Variants in NOC3L observed in about 807,000 individuals in gnomAD.
NOC3L encodes nucleolar complex protein 3 homolog.
NOC3L carries 85 observed loss-of-function variants against 102.5 expected under a neutral mutation model. The ratio of observed to expected loss-of-function variants is 0.83; its 90% confidence interval spans 0.70 to 0.99. The LOEUF is 0.99. Ranked by LOEUF, NOC3L falls within the 50% of genes least tolerant of loss-of-function variation. The pLI, the probability that NOC3L is intolerant of heterozygous loss-of-function variation, is 0.00. For synonymous variants in NOC3L, 303 were observed against 309.4 expected, an observed-to-expected ratio of 0.98 and a Z score of 0.22; for missense variants, 878 against 914.9, an observed-to-expected ratio of 0.96 and a Z score of 0.52.
At chr10:94,357,866 A>G in intron 3 of NOC3L, 1 of 518,328 alleles carries the variant, frequency 1.9e-6, no homozygotes. Flanking sequence ...CATTCACTCT[A>G]CTTGACTATT....
At chr10:94,360,189 G>A (rs12773803) in intron 2 of NOC3L, among the ~76,000 whole-genome samples, 20,541 of 152,102 alleles carry the variant, frequency 0.14, 1,542 homozygotes, top group Middle Eastern at 0.26. Context: ...GGTGGTGTGC[G>A]CCTGTAATCC....
At chr10:94,349,717 G>GC (rs2054391602) in intron 9 of NOC3L, among the ~76,000 whole-genome samples, 2 of 80,722 alleles carry the variant, frequency 2.5e-5, no homozygotes, top group South Asian at 9.9e-4. Context: ...GAATTTTGTA[G>GC]GGGGAAAAAA....
intron 19 of NOC3L, among the ~76,000 whole-genome samples, chr10:94,336,068 TCAAGGTCATCGC>T (rs1422982135): frequency 6.6e-6 from 1 of 152,172 alleles, no homozygotes; most frequent in African/African-American, 2.4e-5. Flanking sequence ...ATCCTACTGC[TCAAGGTCATCGC>T]CAAGGTCTGA....
the NOC3L span, chr10:94,324,881 T>C: frequency 6.2e-7 from 1 of 1,613,780 alleles, no homozygotes; most frequent in Non-Finnish European, 8.5e-7. Flanking sequence ...GAAGGTTCTT[T>C]GTTCCCACAG....
chr10:94,348,524 A>G (rs1269405312), intron 10 of NOC3L, among the ~76,000 whole-genome samples: 1 of 152,120 alleles, frequency 6.6e-6, no homozygotes, highest in Non-Finnish European at 1.5e-5. Context: ...ATTAAAATGA[A>G]TATGTACTAA....
rs750339763 is a variant in NOC3L at position 94,362,881 on chromosome 10, A to C, written c.-43T>G. On this transcript the variant is annotated 5_prime_UTR_variant, in exon 1 of 21. Coordinates refer to ENST00000371361, the MANE Select transcript of NOC3L (RefSeq NM_022451.11). Reference sequence around the variant, plus strand: ...ATGCCGGCCAGACAAGTTCACCAGAAGCAGGGTTACTACAGAAATCCCGGG... The same window carrying C: ...ATGCCGGCCAGACAAGTTCACCAGACGCAGGGTTACTACAGAAATCCCGGG... The C allele has an allele frequency of 6.2e-7, 1 of 1,613,892 alleles. No individual in the cohort carries two copies. Among genetic ancestry groups the C allele is most frequent in the Non-Finnish European group, 8.5e-7 (1 of 1,180,020 alleles).
chr10:94,348,582 C>A (rs568146687), intron 10 of NOC3L, among the ~76,000 whole-genome samples: 2 of 151,918 alleles, frequency 1.3e-5, no homozygotes, highest in South Asian at 4.2e-4. Context: ...GAAAAACTGA[C>A]AAATAATAAG....
In NOC3L at chr10:94,338,730, G is replaced by A; in HGVS notation, c.1969C>T (p.Pro657Ser). The A allele has an allele frequency of 6.2e-7, 1 of 1,609,978 alleles. No individual in the cohort carries two copies. Among genetic ancestry groups the A allele is most frequent in the Non-Finnish European group, 8.5e-7 (1 of 1,178,426 alleles). Residue 657 changes from proline (P) to serine (S), a missense_variant, in exon 18 of 21, where the codon CCC (proline) becomes TCC (serine). Physicochemically the swap from Pro to Ser is moderately conservative, Grantham distance 74. Transcript: ENST00000371361. ...ATTRILMHTF[P>S]KTDLLLDSES... ...CTGTCAAGCAGTAGATCTGTTTTGGGGAAAGTCTGCAAAAATGTCACATAA... is the reference window on the plus strand; with the variant it reads ...CTGTCAAGCAGTAGATCTGTTTTGGAGAAAGTCTGCAAAAATGTCACATAA...
At position 94,352,778 on chromosome 10, in the gene NOC3L, C is replaced by T. The variant is rs771560052; in HGVS notation, c.858+118G>A. ...CAGAGGTTGCAGTGAGCCAAGATCA[C>T]GCCACTGCACTCTAGTCTGGGCGAC... On this transcript the variant is annotated intron_variant, in intron 7 of 20. Transcript: ENST00000371361. 35 of 821,446 alleles carry T rather than the reference C, an allele frequency of 4.3e-5. 1 individual carries two copies. The highest frequency in any genetic ancestry group is 5.3e-5 in the African/African-American group (3 of 57,076). The allele number at this position is 821,446 out of a possible 1,614,324, so 50.9% of individuals were successfully genotyped here.
At chr10:94,341,179 G>GA (rs1221176728) in intron 14 of NOC3L, among the ~76,000 whole-genome samples, 2 of 149,794 alleles carry the variant, frequency 1.3e-5, no homozygotes, top group South Asian at 2.1e-4. Flanking sequence ...TCTCAAAAAA[G>GA]AAAAAAAAGA....
chr10:94,333,152 T>C (rs1043366626), downstream of NOC3L: 2 of 152,218 alleles, frequency 1.3e-5, no homozygotes, highest in Non-Finnish European at 2.9e-5. Flanking sequence ...CTGGCTGCTA[T>C]GACTTTCAAA....
Position 94,333,325 on chromosome 10 carries a change from A to G in NOC3L, c.*852T>C, listed in dbSNP as rs1284009126. 1 of 152,188 alleles carries G rather than the reference A, an allele frequency of 6.6e-6. No individual in the cohort carries two copies. The highest frequency in any genetic ancestry group is 1.9e-4 in the East Asian group (1 of 5,206). 9.4% of individuals were successfully genotyped at this position (152,188 alleles called of 1,614,324 possible). On this transcript the variant is annotated 3_prime_UTR_variant, in exon 21 of 21. Coordinates refer to ENST00000371361, the MANE Select transcript of NOC3L (RefSeq NM_022451.11). ...ACGCATTTCTTAGGCCACTCCTAGA[A>G]TATGGGAATAGCTGTTACATAAAAT...
chr10:94,325,231 T>G, the NOC3L span: 2 of 720,544 alleles, frequency 2.8e-6, no homozygotes, highest in Non-Finnish European at 2.5e-6. Flanking sequence ...CAGGTAGGAA[T>G]GGGACCTTAA....
At chr10:94,340,386 G>A in intron 15 of NOC3L, 39 bp from the exon 16 acceptor site, 1 of 1,607,320 alleles carries the variant, frequency 6.2e-7, no homozygotes, top group Non-Finnish European at 8.5e-7. Flanking sequence ...GTATGTTATA[G>A]CATTCAAAGG....
chr10:94,322,803 A>G, the NOC3L span, among the ~76,000 whole-genome samples: 1 of 151,864 alleles, frequency 6.6e-6, no homozygotes, highest in Non-Finnish European at 1.5e-5. Flanking sequence ...AAAAAGTACA[A>G]AAATTAGCCA....
chr10:94,349,133 T>A, intron 10 of NOC3L, 117 bp downstream of exon 10: 1 of 1,115,700 alleles, frequency 9.0e-7, no homozygotes, highest in African/African-American at 1.6e-5. Flanking sequence ...GTTAAACACT[T>A]AAGGAGCTTG....
intron 13 of NOC3L, among the ~76,000 whole-genome samples, chr10:94,342,993 G>A (rs2054303228): frequency 6.6e-6 from 1 of 151,810 alleles, no homozygotes; most frequent in African/African-American, 2.4e-5. Context: ...GCTGAGGCAG[G>A]TGACTGCTTG....
intron 6 of NOC3L, among the ~76,000 whole-genome samples, chr10:94,353,930 CTAT>C (rs753343875): frequency 2.1e-4 from 32 of 152,290 alleles, no homozygotes; most frequent in Non-Finnish European, 4.0e-4. Flanking sequence ...TGATGAACTA[CTAT>C]TGTCTGTGAG....
chr10:94,360,291 G>C (rs983372825), intron 2 of NOC3L, among the ~76,000 whole-genome samples: 6 of 151,954 alleles, frequency 3.9e-5, no homozygotes, highest in Admixed American at 6.6e-5. Context: ...ACTCCAGCCT[G>C]GCAACAGAGA....
Sources: allele counts gnomAD v4.1 joint callset (sites outside exome capture counted in the v4.1 genomes callset), GRCh38; gene constraint gnomAD v4.1.1; transcripts MANE v1.5; gene names NCBI Gene and HGNC (gene_info 2026-07-23, HGNC 2026-07-21).